DSG4: variants seen among roughly 807,000 people sequenced by gnomAD.
DSG4 encodes desmoglein-4.
A neutral mutation model predicts 93.1 loss-of-function variants in DSG4; 87 were observed. The ratio of observed to expected loss-of-function variants is 0.93; its 90% CI spans 0.79 to 1.12. DSG4 has a LOEUF of 1.12. DSG4 is among the 50% of genes most tolerant of loss of function. The pLI is 0.00. For missense variants in DSG4, 1,373 were observed against 1,285.7 expected (o/e 1.07, Z -1.04); for synonymous variants, 432 against 452.9 (o/e 0.95, Z 0.59).
chr18:31,401,629 C>A (rs2072368256), intron 10 of DSG4: 1 of 152,040 alleles, frequency 6.6e-6, no homozygotes, highest in Admixed American at 6.6e-5. Context: ...TTAAGCAGTC[C>A]TCTTGGTGAG....
rs1005105370 is a variant in DSG4, at chr18:31,409,689, T to C, written c.2074-56T>C. The C allele has an allele frequency of 2.5e-6, 4 of 1,613,880 alleles. No homozygotes were observed. The African/African-American group carries it at 4.0e-5, about 16-fold the overall frequency. ...CTGCACAAAAATGAACAGATGTCAG[T>C]TTTTAAATGTTTAACATAAAGCGTT... On this transcript the variant is annotated intron_variant, in intron 13 of 15. Transcript: ENST00000308128.
Position 31,385,044 on chromosome 18 carries a change from A to T in DSG4, c.49-92A>T. 7.3e-6 allele frequency: 8 copies of T among 1,093,470 alleles called. No individual in the cohort carries two copies. In the South Asian group the frequency reaches 1.1e-4, roughly 15 times the overall value. 67.7% of individuals were successfully genotyped at this position (1,093,470 alleles called of 1,614,324 possible). A position where few individuals can be genotyped will look rare whatever the true frequency, so the allele number is the denominator to read the frequency against. On this transcript the variant is annotated intron_variant, in intron 1 of 15. Coordinates refer to ENST00000308128, the MANE Select transcript of DSG4 (RefSeq NM_177986.5). ...TCAACAAAATGTATATTTAAAAATGAATTAATAAAAGAATATTGTCAATGT... is the reference window on the plus strand; with the variant it reads ...TCAACAAAATGTATATTTAAAAATGTATTAATAAAAGAATATTGTCAATGT...
rs768264514 is a variant in DSG4, at chr18:31,376,930, A to ATTTGTCTTTTGTCTTTT, written c.19_20insTTTGTCTTTTGTCTTTT (p.Arg7IlefsTer12). 1 of 1,613,598 alleles carries ATTTGTCTTTTGTCTTTT rather than the reference A, an allele frequency of 6.2e-7. No homozygotes were observed. The highest frequency in any genetic ancestry group is 1.3e-5 in the African/African-American group (1 of 74,924). ...CAAAGGAATGGATTGGCTCTTCTTC[A>ATTTGTCTTTTGTCTTTT]GAAACATTTGCCTTTTGATCATTCT... On this transcript the variant is annotated frameshift_variant, in exon 1 of 16. Coordinates refer to ENST00000308128, the MANE Select transcript of DSG4 (RefSeq NM_177986.5). LOFTEE classifies it high-confidence loss of function.
Position 31,411,225 on chromosome 18 carries a change from T to C in DSG4, c.2138-6T>C. On this transcript the variant is annotated splice_region_variant and splice_polypyrimidine_tract_variant and intron_variant, in intron 14 of 15. Transcript: ENST00000308128. ...GCGCTGTTAAACCAACATCCTCCCT[T>C]TTCAGAAATCTACACCAACACCTAT... 1 of 1,612,980 alleles carries C rather than the reference T, an allele frequency of 6.2e-7. No homozygotes were observed. The highest frequency in any genetic ancestry group is 8.5e-7 in the Non-Finnish European group (1 of 1,179,646).
intron 11 of DSG4, 77 bp downstream of exon 11, chr18:31,403,711 T>G (rs186173104): frequency 2.3e-6 from 3 of 1,304,728 alleles, no homozygotes; most frequent in East Asian, 2.4e-5. Context: ...GGCAAGTCAC[T>G]TAATAAAACA....
chr18:31,411,534 C>T (rs2072493439), intron 15 of DSG4, 86 bp downstream of exon 15: 2 of 1,445,450 alleles, frequency 1.4e-6, no homozygotes, highest in East Asian at 2.3e-5. Context: ...TAGGCCTCTT[C>T]GGAAATATGC....
chr18:31,404,804 T>C (rs982977460), intron 11 of DSG4, among the ~76,000 whole-genome samples: 2 of 152,176 alleles, frequency 1.3e-5, no homozygotes, highest in African/African-American at 4.8e-5. Flanking sequence ...TAAAGCTCAA[T>C]AGCCCATTCA....
chr18:31,392,132 C>T, intron 7 of DSG4, 23 bp from the exon 8 acceptor site: 2 of 1,612,032 alleles, frequency 1.2e-6, no homozygotes, highest in Admixed American at 1.7e-5. Context: ...TCATTGACTA[C>T]AAAATTGATC....
intron 7 of DSG4, among the ~76,000 whole-genome samples, 198 bp from the exon 8 acceptor site, chr18:31,391,957 A>G (rs1490803582): frequency 1.3e-5 from 2 of 152,224 alleles, no homozygotes; most frequent in Admixed American, 1.3e-4. Flanking sequence ...TTGATTTTAC[A>G]TACAGCACAT....
At chr18:31,402,793 GC>G (rs2072382678) in intron 10 of DSG4, among the ~76,000 whole-genome samples, 1 of 152,144 alleles carries the variant, frequency 6.6e-6, no homozygotes, top group Non-Finnish European at 1.5e-5. Context: ...TTAGTCTTTG[GC>G]CCTTTCTGAT....
chr18:31,405,976 C>T (rs1428845698), intron 11 of DSG4, 101 bp from the exon 12 acceptor site: 1 of 1,320,016 alleles, frequency 7.6e-7, no homozygotes, highest in Non-Finnish European at 1.1e-6. Context: ...CATGAAAAAT[C>T]TAGTGTTTTA....
rs2072529274 is a variant in DSG4 at position 31,414,004 on chromosome 18, A to G, written c.*409A>G. The G allele has an allele frequency of 6.2e-6, 1 of 160,582 alleles. No homozygotes were observed. Among genetic ancestry groups the G allele is most frequent in the Admixed American group, 5.9e-5 (1 of 16,834 alleles). 9.9% of individuals were successfully genotyped at this position (160,582 alleles called of 1,614,324 possible). A position where few individuals can be genotyped will look rare whatever the true frequency, so the allele number is the denominator to read the frequency against. On this transcript the variant is annotated 3_prime_UTR_variant, in exon 16 of 16. Coordinates refer to ENST00000308128, the MANE Select transcript of DSG4 (RefSeq NM_177986.5). ...CATATTTTTCGTTAGGGAAATATTT[A>G]TATTAAAATTTTTAATTGAAAAGTT...
chr18:31,388,571 T>G, intron 4 of DSG4, 49 bp downstream of exon 4: 1 of 1,605,650 alleles, frequency 6.2e-7, no homozygotes, highest in Non-Finnish European at 8.5e-7. Context: ...TTTTCTTCCC[T>G]TTTTCAAAAA....
intron 1 of DSG4, among the ~76,000 whole-genome samples, chr18:31,379,840 A>G (rs1187938671): frequency 6.6e-6 from 1 of 152,226 alleles, no homozygotes; most frequent in Non-Finnish European, 1.5e-5. Flanking sequence ...TTCCAGAAAT[A>G]TGACAGAGAG....
rs190102181 is a variant in DSG4 at position 31,406,853 on chromosome 18, C to T, written c.1933+480C>T. Among the ~76,000 whole-genome samples, 872 of 152,070 alleles carry T rather than the reference C, an allele frequency of 5.7e-3. 5 individuals are homozygous for T. Among genetic ancestry groups the T allele is most frequent in the Non-Finnish European group, 0.01 (680 of 67,982 alleles). ...AGTGCAGTGGCGCAACCTCGGCTCA[C>T]TGCAACTTCTGCCTCCCAGGTTCAA... On this transcript the variant is annotated intron_variant, in intron 12 of 15. Coordinates refer to ENST00000308128, the MANE Select transcript of DSG4 (RefSeq NM_177986.5).
chr18:31,386,341 C>T (rs1363646169), intron 2 of DSG4, among the ~76,000 whole-genome samples: 4 of 152,050 alleles, frequency 2.6e-5, no homozygotes, highest in African/African-American at 7.2e-5. Flanking sequence ...CTGGTGAAAG[C>T]TCAATGAAGG....
intron 12 of DSG4, among the ~76,000 whole-genome samples, chr18:31,406,979 T>A (rs1233265668): frequency 1.3e-5 from 2 of 152,024 alleles, no homozygotes; most frequent in Admixed American, 6.6e-5. Flanking sequence ...GGTTTCACCA[T>A]GATAGCCAGG....
chr18:31,397,660 A>G (rs2072319722), intron 8 of DSG4, among the ~76,000 whole-genome samples: 1 of 152,140 alleles, frequency 6.6e-6, no homozygotes, highest in African/African-American at 2.4e-5. Flanking sequence ...GGAGAGAACT[A>G]TTAATATTCT....
At chr18:31,389,362 C>A (rs1018211934) in intron 5 of DSG4, among the ~76,000 whole-genome samples, 3 of 152,128 alleles carry the variant, frequency 2.0e-5, no homozygotes, top group Non-Finnish European at 4.4e-5. Context: ...TGGTCTCTTA[C>A]TCAAAATGTT....
Sources: gnomAD v4.1 joint callset for allele counts (sites outside exome capture counted in the v4.1 genomes callset) on GRCh38, gnomAD v4.1.1 for gene constraint, MANE v1.5 for transcripts, NCBI Gene and HGNC (gene_info 2026-07-23, HGNC 2026-07-21) for gene names.